The following PPARGC1B variants were observed in gnomAD, a reference collection of about 807,000 sequenced individuals.
PPARGC1B encodes peroxisome proliferator-activated receptor gamma coactivator 1-beta.
PPARGC1B carries 34 observed loss-of-function variants against 101.6 expected under a neutral mutation model. That is an observed-to-expected ratio of 0.33 (90% CI 0.25 to 0.45). PPARGC1B has a LOEUF of 0.45. Ranked by LOEUF, PPARGC1B falls within the 20% of genes least tolerant of loss-of-function variation. PPARGC1B has a pLI of 1.00. For synonymous variants in PPARGC1B, 548 were observed against 539.3 expected (o/e 1.02, Z -0.22); for missense variants, 1,234 against 1,317.6 (o/e 0.94, Z 0.98).
intron 1 of PPARGC1B, among the ~76,000 whole-genome samples, chr5:149,765,567 C>T (rs915713668): frequency 3.9e-5 from 6 of 152,098 alleles, no homozygotes; most frequent in Non-Finnish European, 8.8e-5. Flanking sequence ...TATGTCACTC[C>T]ACCCCTCTGA....
chr5:149,786,512 C>T (rs903452922), intron 1 of PPARGC1B, among the ~76,000 whole-genome samples: 1 of 152,242 alleles, frequency 6.6e-6, no homozygotes, highest in African/African-American at 2.4e-5. Context: ...GCTGGGATTA[C>T]AGGCATGAGC....
chr5:149,743,297 A>G (rs932096509), intron 1 of PPARGC1B, among the ~76,000 whole-genome samples: 4 of 151,624 alleles, frequency 2.6e-5, no homozygotes, highest in Admixed American at 6.6e-5. Flanking sequence ...CTGGGATTAC[A>G]GACGCCCACC....
At chr5:149,752,683 G>A (rs1755360091) in intron 1 of PPARGC1B, among the ~76,000 whole-genome samples, 1 of 152,110 alleles carries the variant, frequency 6.6e-6, no homozygotes, top group African/African-American at 2.4e-5. Context: ...ACAAAAATTA[G>A]CCAGGCGTGG....
chr5:149,825,200 C>A (rs7718726), intron 2 of PPARGC1B, among the ~76,000 whole-genome samples: 3 of 152,260 alleles, frequency 2.0e-5, no homozygotes, highest in Non-Finnish European at 2.9e-5. Context: ...GGGGAACACA[C>A]GCCGACCCTC....
intron 3 of PPARGC1B, 77 bp downstream of exon 3, chr5:149,826,962 C>T: frequency 9.0e-7 from 1 of 1,113,838 alleles, no homozygotes; most frequent in Non-Finnish European, 1.3e-6. Context: ...GGGTGCAGAG[C>T]AATCCGCTCC....
chr5:149,836,891 AGG>A lies in PPARGC1B; in HGVS notation c.2439_2440del (p.Glu814GlyfsTer7). 6.2e-7 allele frequency: 1 copy of A among 1,613,236 alleles called. No homozygotes were observed. The highest frequency in any genetic ancestry group is 1.3e-5 in the African/African-American group (1 of 75,036). ...SFLPEEEEEE[G>X]EEEEEDDEEE... Reference sequence around the variant, plus strand: ...TCCTCCCAGAGGAGGAAGAGGAAGAAGGGGAGGAGGAGGAGGAGGACGATGAA... The same window carrying A: ...TCCTCCCAGAGGAGGAAGAGGAAGAAGGAGGAGGAGGAGGAGGACGATGAA... On this transcript the variant is annotated frameshift_variant, in exon 8 of 12. Transcript: ENST00000309241. LOFTEE classifies it high-confidence loss of function.
chr5:149,844,173 C>T (rs1038200165), intron 10 of PPARGC1B, among the ~76,000 whole-genome samples: 2 of 152,058 alleles, frequency 1.3e-5, no homozygotes, highest in Non-Finnish European at 2.9e-5. Context: ...AAAAAAGAAC[C>T]ATTATACAAA....
In PPARGC1B at chr5:149,832,905, C is replaced by T. The variant is rs767184980; in HGVS notation, c.832C>T (p.Pro278Ser). 1.9e-6 allele frequency: 3 copies of T among 1,613,028 alleles called. No homozygotes were observed. The highest frequency in any genetic ancestry group is 2.5e-6 in the Non-Finnish European group (3 of 1,180,006). ...LALGRADPGA[P>S]VSQEDMQAMV... ...TCTGGGCAGGGCAGACCCCGGTGCCCCGGTTTCCCAGGAAGACATGCAGGC... is the reference window on the plus strand; with the variant it reads ...TCTGGGCAGGGCAGACCCCGGTGCCTCGGTTTCCCAGGAAGACATGCAGGC... The change falls in exon 5 of 12, where the codon CCG (proline) becomes TCG (serine). Residue 278 changes from proline to serine, a missense_variant. By Grantham distance (74) the Pro-to-Ser change is moderately conservative. This residue lies in a region of PPARGC1B where 734 missense variants were observed against 768.4 expected (regional missense o/e 0.96). Coordinates refer to ENST00000309241, the MANE Select transcript of PPARGC1B (RefSeq NM_133263.4). The surrounding 1 kb of genome is among the most constrained non-coding windows in gnomAD (Gnocchi z 4.9).
intron 3 of PPARGC1B, among the ~76,000 whole-genome samples, chr5:149,830,244 TTC>T (rs1758724618): frequency 6.6e-6 from 1 of 151,280 alleles, no homozygotes; most frequent in Non-Finnish European, 1.5e-5. Flanking sequence ...GTGATGTGTC[TTC>T]TTTTTTTTTT....
At chr5:149,778,271 T>G (rs1200355288) in intron 1 of PPARGC1B, among the ~76,000 whole-genome samples, 1 of 151,720 alleles carries the variant, frequency 6.6e-6, no homozygotes, top group East Asian at 1.9e-4. Context: ...CCAAGAGTGG[T>G]GAGGAGGCCT....
intron 1 of PPARGC1B, among the ~76,000 whole-genome samples, chr5:149,793,880 G>C (rs2113266265): frequency 6.6e-6 from 1 of 152,164 alleles, no homozygotes; most frequent in East Asian, 1.9e-4. Flanking sequence ...ACTGTGTCGG[G>C]GCAAAGGACC....
Position 149,756,098 on chromosome 5 carries a change from G to T in PPARGC1B, c.78+25678G>T, listed in dbSNP as rs116618602. Among the ~76,000 whole-genome samples, 216 of 152,272 alleles carry T rather than the reference G, an allele frequency of 1.4e-3. 1 individual carries two copies. The highest frequency in any genetic ancestry group is 5.1e-3 in the African/African-American group (210 of 41,554). On this transcript the variant is annotated intron_variant, in intron 1 of 11. Coordinates refer to ENST00000309241, the MANE Select transcript of PPARGC1B (RefSeq NM_133263.4). ...GTAGGAGTCCCATCTATACAGGGTG[G>T]ATTTGAAGTATCAGTGGGCTTTTTA...
intron 1 of PPARGC1B, among the ~76,000 whole-genome samples, chr5:149,743,211 AGT>A (rs1754972844): frequency 6.9e-6 from 1 of 144,068 alleles, no homozygotes; most frequent in South Asian, 2.2e-4. Flanking sequence ...GCTGGAGTGC[AGT>A]GGTGTGATCT....
At chr5:149,806,732 C>T (rs374289177) in intron 1 of PPARGC1B, among the ~76,000 whole-genome samples, 71 of 151,882 alleles carry the variant, frequency 4.7e-4, no homozygotes, top group African/African-American at 1.5e-3. Flanking sequence ...CTCAGCCTCT[C>T]GAGTAGCTGG....
chr5:149,777,104 G>A (rs1415902208), intron 1 of PPARGC1B, among the ~76,000 whole-genome samples: 3 of 152,246 alleles, frequency 2.0e-5, no homozygotes, highest in Non-Finnish European at 4.4e-5. Flanking sequence ...GCAGCAAGGC[G>A]AGGCTAGAAT....
At chr5:149,736,699 A>G (rs1754724518) in intron 1 of PPARGC1B, among the ~76,000 whole-genome samples, 1 of 152,168 alleles carries the variant, frequency 6.6e-6, no homozygotes, top group African/African-American at 2.4e-5. Flanking sequence ...CTTAGAGTGC[A>G]TATCTGACAT....
intron 1 of PPARGC1B, among the ~76,000 whole-genome samples, chr5:149,765,864 A>T: frequency 7.8e-6 from 1 of 128,984 alleles, no homozygotes; most frequent in African/African-American, 3.3e-5. Flanking sequence ...CCGTCTCAAA[A>T]AAAAAAAAAA....
chr5:149,806,726 G>C (rs1757613670), intron 1 of PPARGC1B, among the ~76,000 whole-genome samples: 1 of 151,768 alleles, frequency 6.6e-6, no homozygotes. Context: ...TCCCGCCTCA[G>C]CCTCTCGAGT....
In PPARGC1B at chr5:149,835,287, C is replaced by T. The variant is rs751811306; in HGVS notation, c.1743-14C>T. ...ACTTGCTTCTTTCCTTTCTGTCCTC[C>T]CTGCCTCCACCAGCGACCCAACTTT... On this transcript the variant is annotated splice_polypyrimidine_tract_variant and intron_variant, in intron 6 of 11. Coordinates refer to ENST00000309241, the MANE Select transcript of PPARGC1B (RefSeq NM_133263.4). The T allele has an allele frequency of 2.5e-6, 4 of 1,613,910 alleles. No homozygotes were observed. Among genetic ancestry groups the T allele is most frequent in the Non-Finnish European group, 3.4e-6 (4 of 1,179,814 alleles).
Sources: allele counts gnomAD v4.1 joint callset (sites outside exome capture counted in the v4.1 genomes callset), GRCh38; gene constraint gnomAD v4.1.1; regional missense constraint gnomAD v4.1.1; non-coding constraint Gnocchi (gnomAD v3.1); transcripts MANE v1.5; gene names NCBI Gene and HGNC (gene_info 2026-07-23, HGNC 2026-07-21).